The following TEX10 variants were observed in gnomAD, a reference collection of about 807,000 sequenced individuals.
The protein encoded by TEX10 is testis-expressed protein 10.
Under a neutral mutation model 104.4 loss-of-function variants are expected in TEX10, and 24 were observed. That is an observed-to-expected ratio of 0.23 (90% CI 0.17 to 0.32). The LOEUF is 0.32. Ranked by LOEUF, TEX10 falls within the 10% of genes least tolerant of loss-of-function variation. TEX10 has a pLI of 1.00. For synonymous variants in TEX10, 396 were observed against 393.4 expected (o/e 1.01, Z -0.08); for missense variants, 921 against 1,083.9 (o/e 0.85, Z 2.11).
chr9:100,337,311 T>C (rs1371286678), intron 5 of TEX10, among the ~76,000 whole-genome samples: 10 of 152,234 alleles, frequency 6.6e-5, no homozygotes, highest in Non-Finnish European at 1.5e-4. Flanking sequence ...GATATGCTGA[T>C]ACATTTTTCA....
intron 5 of TEX10, among the ~76,000 whole-genome samples, chr9:100,336,573 C>T (rs1204964233): frequency 1.3e-5 from 2 of 152,194 alleles, no homozygotes; most frequent in African/African-American, 4.8e-5. Context: ...GGAAAACAAG[C>T]TCAGGGCTCC....
chr9:100,329,302 A>G (rs375045584), intron 6 of TEX10, 27 bp from the exon 7 acceptor site: 2 of 1,581,792 alleles, frequency 1.3e-6, no homozygotes, highest in Non-Finnish European at 8.5e-7. Flanking sequence ...AACAACTTGC[A>G]TATGAATCAA....
intron 11 of TEX10, among the ~76,000 whole-genome samples, chr9:100,311,153 T>C (rs1196107426): frequency 6.6e-6 from 1 of 152,142 alleles, no homozygotes; most frequent in Non-Finnish European, 1.5e-5. Context: ...TTCTAGTACT[T>C]TGGGAGGCCA....
At chr9:100,304,279 G>GA (rs1419830549) in intron 13 of TEX10, 1 of 222,416 alleles carries the variant, frequency 4.5e-6, no homozygotes, top group Non-Finnish European at 9.1e-6. Context: ...AAAAAAGCCA[G>GA]AATGGCCAAA....
intron 9 of TEX10, among the ~76,000 whole-genome samples, chr9:100,324,335 G>C (rs1834649863): frequency 6.6e-6 from 1 of 152,058 alleles, no homozygotes; most frequent in Non-Finnish European, 1.5e-5. Context: ...CGCCTGGCTA[G>C]TCTTATTATG....
chr9:100,335,279 T>C (rs1834978588), intron 5 of TEX10, among the ~76,000 whole-genome samples: 1 of 151,770 alleles, frequency 6.6e-6, no homozygotes, highest in African/African-American at 2.4e-5. Context: ...CTCGGCTCAC[T>C]GCAACCTTCA....
chr9:100,347,709 A>C (rs1835334536), intron 2 of TEX10, among the ~76,000 whole-genome samples: 1 of 152,174 alleles, frequency 6.6e-6, no homozygotes. Context: ...AAAACCTACT[A>C]GGTACCAAAC....
At chr9:100,329,019 C>A (rs1277812833) in intron 7 of TEX10, 121 bp downstream of exon 7, 1 of 1,109,476 alleles carries the variant, frequency 9.0e-7, no homozygotes, top group Non-Finnish European at 1.2e-6. Context: ...TAAATGCAAA[C>A]AAGTAGGATT....
At chr9:100,339,834 A>G (rs888152337) in intron 5 of TEX10, among the ~76,000 whole-genome samples, 2 of 151,362 alleles carry the variant, frequency 1.3e-5, no homozygotes, top group African/African-American at 2.4e-5. Context: ...TTTTTCTCCA[A>G]TTACCCTCCT....
At chr9:100,343,550 A>C (rs1835224831) in intron 4 of TEX10, among the ~76,000 whole-genome samples, 1 of 151,966 alleles carries the variant, frequency 6.6e-6, no homozygotes, top group Non-Finnish European at 1.5e-5. Context: ...ATGTACCCTG[A>C]GACTTCTTTT....
At chr9:100,345,906 A>G (rs1835289107) in intron 4 of TEX10, among the ~76,000 whole-genome samples, 166 bp downstream of exon 4, 1 of 152,194 alleles carries the variant, frequency 6.6e-6, no homozygotes, top group Admixed American at 6.5e-5. Flanking sequence ...ATAACTTCAG[A>G]AAACTAATTT....
In TEX10 at chr9:100,347,489, A is replaced by G. The variant is rs1835328765; in HGVS notation, c.181-83T>C. The G allele has an allele frequency of 1.9e-6, 2 of 1,067,818 alleles. 1 individual carries two copies. The highest frequency in any genetic ancestry group is 4.3e-5 in the South Asian group (2 of 46,306). 66.1% of individuals were successfully genotyped at this position (1,067,818 alleles called of 1,614,324 possible). A position where few individuals can be genotyped will look rare whatever the true frequency, so the allele number is the denominator to read the frequency against. On this transcript the variant is annotated intron_variant, in intron 2 of 14. Transcript: ENST00000374902. ...TAAACATGCTAACTAACACTACACTAGTAAACTGACACTCCTTGGGGAAAC... is the reference window on the plus strand; with the variant it reads ...TAAACATGCTAACTAACACTACACTGGTAAACTGACACTCCTTGGGGAAAC...
In TEX10 at chr9:100,340,309, GA is replaced by G; in HGVS notation, c.1197del (p.Pro400HisfsTer4). 6.4e-7 allele frequency: 1 copy of G among 1,574,060 alleles called. No homozygotes were observed. The highest frequency in any genetic ancestry group is 1.2e-5 in the South Asian group (1 of 83,056). The stretch of plus-strand genomic sequence containing the variant: ...TTGGTTATTTCTTTTAAGACATATG[GA>G]AAACGACTCATAAAATGGTGTTTAA... ...IDFKHHFMSRFPYVLKEITKH... is the reference protein window; with the variant it reads ...IDFKHHFMSRXPYVLKEITKH... On this transcript the variant is annotated frameshift_variant, in exon 5 of 15. Transcript: ENST00000374902. LOFTEE classifies it high-confidence loss of function.
chr9:100,315,323 C>T (rs1834389196), intron 11 of TEX10, among the ~76,000 whole-genome samples: 1 of 152,072 alleles, frequency 6.6e-6, no homozygotes, highest in Non-Finnish European at 1.5e-5. Context: ...TATTTTCTTT[C>T]TCGATGATCT....
At chr9:100,337,906 T>C (rs1358554430) in intron 5 of TEX10, among the ~76,000 whole-genome samples, 3 of 152,230 alleles carry the variant, frequency 2.0e-5, no homozygotes, top group Non-Finnish European at 4.4e-5. Context: ...TCTCTTCCTA[T>C]GAATTCTTAT....
intron 13 of TEX10, 162 bp from the exon 14 acceptor site, chr9:100,304,004 C>T (rs1217611734): frequency 4.6e-6 from 3 of 657,346 alleles, no homozygotes; most frequent in Non-Finnish European, 8.1e-6. Flanking sequence ...ACAATAGCCA[C>T]ACACACACAC....
chr9:100,302,364 G>C (rs1834009541), intron 14 of TEX10, 60 bp from the exon 15 acceptor site: 1 of 1,212,756 alleles, frequency 8.2e-7, no homozygotes, highest in Non-Finnish European at 1.2e-6. Flanking sequence ...CTACCTGACA[G>C]TATTTTTCAC....
intron 14 of TEX10, among the ~76,000 whole-genome samples, chr9:100,302,931 C>T (rs1054821017): frequency 6.9e-6 from 1 of 144,290 alleles, no homozygotes; most frequent in Non-Finnish European, 1.5e-5. Flanking sequence ...TTTAACCGCC[C>T]CCCCCCCAAA....
intron 13 of TEX10, chr9:100,306,185 C>T (rs1011446038): frequency 2.6e-5 from 4 of 151,828 alleles, no homozygotes; most frequent in South Asian, 2.1e-4. Context: ...TTTTAAGAGA[C>T]GAAGACAGAA....
Sources: gnomAD v4.1 joint callset for allele counts (sites outside exome capture counted in the v4.1 genomes callset) on GRCh38, gnomAD v4.1.1 for gene constraint, MANE v1.5 for transcripts, NCBI Gene and HGNC (gene_info 2026-07-23, HGNC 2026-07-21) for gene names.